TGS1: variants seen among roughly 807,000 people sequenced by gnomAD.
The protein encoded by TGS1 is trimethylguanosine synthase.
A neutral mutation model predicts 92.2 loss-of-function variants in TGS1; 69 were observed. The ratio of observed to expected loss-of-function variants is 0.75; its 90% CI spans 0.62 to 0.91. The LOEUF (loss-of-function observed/expected upper bound fraction) is 0.91. TGS1 is among the 40% of genes least tolerant of loss of function. TGS1 has a pLI of 0.00. For missense variants in TGS1, 1,062 were observed against 1,001.2 expected (o/e 1.06, Z -0.82); for synonymous variants, 345 against 338.1 (o/e 1.02, Z -0.22).
In TGS1 at chr8:55,782,298, C is replaced by T. The variant is rs373069520; in HGVS notation, c.102-450C>T. Among the ~76,000 whole-genome samples the T allele has an allele frequency of 3.1e-3, 470 of 152,220 alleles. 5 individuals are homozygous for T. The highest frequency in any genetic ancestry group is 0.01 in the African/African-American group (417 of 41,534). ...CCGGATTTAAGCAATTCTCCTGCCT[C>T]AGCCTCCCTAGTAGCTGGGATTGTA... On this transcript the variant is annotated intron_variant, in intron 1 of 12. Transcript: ENST00000260129.
chr8:55,800,282 A>T (rs550845877), intron 8 of TGS1, among the ~76,000 whole-genome samples: 8 of 152,222 alleles, frequency 5.3e-5, no homozygotes, highest in South Asian at 2.1e-4. Context: ...ACCGATGTTC[A>T]TATGACATTT....
At chr8:55,805,059 G>T (rs745395445) in intron 10 of TGS1, 23 bp downstream of exon 10, 1 of 1,609,246 alleles carries the variant, frequency 6.2e-7, no homozygotes, top group Admixed American at 1.7e-5. Flanking sequence ...CAATGGAAGT[G>T]AACTATTTTA....
intron 6 of TGS1, 68 bp from the exon 7 acceptor site, chr8:55,795,910 C>A: frequency 1.7e-6 from 2 of 1,199,008 alleles, no homozygotes; most frequent in Non-Finnish European, 2.4e-6. Flanking sequence ...TAGTTTCATC[C>A]TCTTTTCCTA....
intron 9 of TGS1, among the ~76,000 whole-genome samples, chr8:55,804,002 A>AGAAGGAGGTCAGTATTCTCTTTACTC (rs1812292734): frequency 6.6e-6 from 1 of 152,230 alleles, no homozygotes; most frequent in African/African-American, 2.4e-5. Context: ...CTACTAGGAA[A>AGAAGGAGGTCAGTATTCTCTTTACTC]GAAGGAGGTC....
chr8:55,824,643 A>C lies in TGS1; in HGVS notation c.2502A>C (p.Lys834Asn). 1.2e-6 allele frequency: 2 copies of C among 1,614,222 alleles called. No individual in the cohort carries two copies. The highest frequency in any genetic ancestry group is 1.7e-6 in the Non-Finnish European group (2 of 1,180,032). The change falls in exon 13 of 13, where the codon AAA becomes AAC. Residue 834 changes from lysine to asparagine, a missense_variant. Lys to Asn is a moderately conservative substitution (Grantham distance 94). Coordinates refer to ENST00000260129, the MANE Select transcript of TGS1 (RefSeq NM_024831.8). ...VEIEQNFLNN[K>N]LKTITAYFGD... ...TAGAACAGAACTTCCTTAACAACAA[A>C]TTGAAGACAATCACTGCATATTTTG...
chr8:55,820,013 C>G (rs924154955), intron 12 of TGS1, among the ~76,000 whole-genome samples: 1 of 152,172 alleles, frequency 6.6e-6, no homozygotes, highest in Non-Finnish European at 1.5e-5. Flanking sequence ...ATAAAATGCT[C>G]TTTATTTTTA....
Position 55,773,693 on chromosome 8 carries a change from G to C in TGS1, c.75G>C (p.Leu25=). 1 of 1,611,194 alleles carries C rather than the reference G, an allele frequency of 6.2e-7. No homozygotes were observed. Among genetic ancestry groups the C allele is most frequent in the Non-Finnish European group, 8.5e-7 (1 of 1,178,904 alleles). ...FIEEREDCKI[L]CLCSRAFVED... ...AGGAGCGGGAGGATTGTAAGATACT[G>C]TGCCTTTGCTCCAGGGCATTTGTGG... Residue 25 remains leucine, a synonymous_variant, in exon 1 of 13, where the codon CTG becomes CTC. Transcript: ENST00000260129.
At position 55,786,262 on chromosome 8, in the gene TGS1, G is replaced by T; in HGVS notation, c.364G>T (p.Val122Phe). Residue 122 changes from valine to phenylalanine, a missense_variant, in exon 4 of 13, where the codon GTT becomes TTT. Coordinates refer to ENST00000260129, the MANE Select transcript of TGS1 (RefSeq NM_024831.8). ...GGTATCTATGAATACTAGAAATAAA[G>T]TTAAAATAAAAAAGAAAAAACATCA... ...FEVSMNTRNK[V>F]KIKKKKHQKK... 1 of 1,460,642 alleles carries T rather than the reference G, an allele frequency of 6.8e-7. No homozygotes were observed. The highest frequency in any genetic ancestry group is 9.3e-7 in the Non-Finnish European group (1 of 1,078,278). 90.5% of individuals were successfully genotyped at this position (1,460,642 alleles called of 1,614,324 possible). A position where few individuals can be genotyped will look rare whatever the true frequency, so the allele number is the denominator to read the frequency against.
intron 6 of TGS1, 140 bp downstream of exon 6, chr8:55,792,924 A>G: frequency 1.6e-6 from 1 of 622,460 alleles, no homozygotes; most frequent in Non-Finnish European, 2.9e-6. Context: ...GAATTGTGGT[A>G]GAGATATCCC....
At chr8:55,812,852 A>G (rs182267101) in intron 11 of TGS1, among the ~76,000 whole-genome samples, 188 bp from the exon 12 acceptor site, 4 of 152,354 alleles carry the variant, frequency 2.6e-5, no homozygotes, top group African/African-American at 7.2e-5. Context: ...TCTTTGAATT[A>G]TGGAGACAAT....
chr8:55,778,603 C>T (rs1811468383), intron 1 of TGS1, among the ~76,000 whole-genome samples: 1 of 152,094 alleles, frequency 6.6e-6, no homozygotes. Context: ...ATGTTTTCCC[C>T]CCAACAGGTT....
intron 9 of TGS1, among the ~76,000 whole-genome samples, chr8:55,803,985 A>AT (rs780439405): frequency 3.9e-5 from 6 of 151,958 alleles, no homozygotes; most frequent in Non-Finnish European, 8.8e-5. Flanking sequence ...AAAAATGTAA[A>AT]TTTTTTCTAC....
intron 5 of TGS1, among the ~76,000 whole-genome samples, chr8:55,792,270 A>T (rs1356743626): frequency 6.6e-6 from 1 of 151,942 alleles, no homozygotes; most frequent in Non-Finnish European, 1.5e-5. Context: ...CTTTTTAGTA[A>T]TTTTTTTCTT....
intron 5 of TGS1, 106 bp downstream of exon 5, chr8:55,790,405 T>TGTAA: frequency 1.3e-6 from 1 of 746,226 alleles, no homozygotes; most frequent in Non-Finnish European, 2.3e-6. Context: ...CCAGTAATCA[T>TGTAA]GTAAGAAGAG....
chr8:55,811,903 G>T (rs921798055), intron 11 of TGS1, among the ~76,000 whole-genome samples: 1 of 152,078 alleles, frequency 6.6e-6, no homozygotes, highest in Non-Finnish European at 1.5e-5. Flanking sequence ...CAAATATGAG[G>T]TCATATTTCC....
At chr8:55,798,865 G>T (rs1812131092) in intron 7 of TGS1, 49 bp from the exon 8 acceptor site, 1 of 1,420,728 alleles carries the variant, frequency 7.0e-7, no homozygotes, top group Non-Finnish European at 9.6e-7. Flanking sequence ...GGAAGATTCT[G>T]TGTAGTTTGG....
chr8:55,788,529 C>T (rs1811784212), intron 4 of TGS1, among the ~76,000 whole-genome samples: 1 of 147,794 alleles, frequency 6.8e-6, no homozygotes, highest in South Asian at 2.2e-4. Context: ...TATCTCAGCT[C>T]ACTGCAAGGT....
intron 12 of TGS1, among the ~76,000 whole-genome samples, chr8:55,816,555 A>G (rs1284026533): frequency 6.6e-6 from 1 of 152,228 alleles, no homozygotes; most frequent in African/African-American, 2.4e-5. Context: ...AGATAAGTTA[A>G]GTTACTTATC....
At chr8:55,776,125 GAGCA>G (rs1563447460) in intron 1 of TGS1, among the ~76,000 whole-genome samples, 1 of 152,042 alleles carries the variant, frequency 6.6e-6, no homozygotes, top group East Asian at 1.9e-4. Context: ...CAACCCGAGC[GAGCA>G]ATTCCTGTCC....
Sources: gnomAD v4.1 joint callset for allele counts (sites outside exome capture counted in the v4.1 genomes callset) on GRCh38, gnomAD v4.1.1 for gene constraint, MANE v1.5 for transcripts, NCBI Gene and HGNC (gene_info 2026-07-23, HGNC 2026-07-21) for gene names.